Variants in ATF7IP observed in about 807,000 individuals in gnomAD.
The protein encoded by ATF7IP is activating transcription factor 7-interacting protein 1.
Under a neutral mutation model 106.4 loss-of-function variants are expected in ATF7IP, and 23 were observed. The ratio of observed to expected loss-of-function variants is 0.22; its 90% CI spans 0.16 to 0.31. The LOEUF is 0.31. Among genes scored for constraint, ATF7IP ranks in the 10% least tolerant of loss-of-function variants. The pLI is 1.00. For synonymous variants in ATF7IP, 542 were observed against 539.0 expected, an observed-to-expected ratio of 1.01 and a Z score of -0.08; for missense variants, 1,334 against 1,524.3, an observed-to-expected ratio of 0.88 and a Z score of 2.08.
At chr12:14,478,641 T>G (rs1156374154) in intron 12 of ATF7IP, among the ~76,000 whole-genome samples, 169 bp downstream of exon 12, 1 of 152,210 alleles carries the variant, frequency 6.6e-6, no homozygotes, top group East Asian at 1.9e-4. Flanking sequence ...CTGACTGTCT[T>G]AAGCAGCGGC....
chr12:14,488,101 C>T (rs958788795), intron 13 of ATF7IP, among the ~76,000 whole-genome samples: 2 of 152,004 alleles, frequency 1.3e-5, no homozygotes, highest in Admixed American at 6.6e-5. Flanking sequence ...GAAAGAACTC[C>T]ATCCTTAATA....
At chr12:14,365,889 AAG>A (rs1362152010) in intron 1 of ATF7IP, 62 bp downstream of exon 1, 2 of 152,448 alleles carry the variant, frequency 1.3e-5, no homozygotes, top group African/African-American at 4.8e-5. Flanking sequence ...TGTATTTCTG[AAG>A]AGTCAAGACC....
intron 6 of ATF7IP, among the ~76,000 whole-genome samples, chr12:14,450,284 A>G (rs891662777): frequency 2.0e-5 from 3 of 152,208 alleles, no homozygotes; most frequent in African/African-American, 4.8e-5. Flanking sequence ...ACCATTGAGT[A>G]TGATGTTAAC....
chr12:14,413,089 A>G (rs533400245), intron 1 of ATF7IP, among the ~76,000 whole-genome samples: 4 of 152,350 alleles, frequency 2.6e-5, no homozygotes, highest in African/African-American at 7.2e-5. Context: ...TTCTAGTTCA[A>G]TGCTGACTAG....
intron 1 of ATF7IP, among the ~76,000 whole-genome samples, chr12:14,418,974 A>G (rs1237514299): frequency 6.6e-6 from 1 of 152,194 alleles, no homozygotes; most frequent in Non-Finnish European, 1.5e-5. Context: ...TATAAAAAAT[A>G]CCAAAGAGGA....
rs1208214780 is a variant in ATF7IP, at chr12:14,501,365, T to G, written c.*3292T>G. ...CAATGTAGGATGTTTGTATGGCATT[T>G]AAAGGTAATGGTGATGTTTATTATT... On this transcript the variant is annotated 3_prime_UTR_variant, in exon 15 of 15. Transcript: ENST00000261168. 1.3e-5 allele frequency: 2 copies of G among 152,216 alleles called. No individual in the cohort carries two copies. The highest frequency in any genetic ancestry group is 2.9e-5 in the Non-Finnish European group (2 of 68,012). The allele number at this position is 152,216 out of a possible 1,614,324, so 9.4% of individuals were successfully genotyped here.
Position 14,424,607 on chromosome 12 carries a change from C to T in ATF7IP, c.692C>T (p.Ser231Phe), listed in dbSNP as rs755809116. Residue 231 changes from serine to phenylalanine, a missense_variant, in exon 2 of 15, where the codon TCT becomes TTT. By Grantham distance (155) the Ser-to-Phe change is radical (BLOSUM62 -2). Transcript: ENST00000261168. ...GATTGTGCCGCTGATGATATAGCCTCTAGTGAAATAACTTCTGTTGATCTG... is the reference window on the plus strand; with the variant it reads ...GATTGTGCCGCTGATGATATAGCCTTTAGTGAAATAACTTCTGTTGATCTG... ...SGDCAADDIASSEITSVDLAS... is the reference protein window; with the variant it reads ...SGDCAADDIAFSEITSVDLAS... 3 of 1,614,156 alleles carry T rather than the reference C, an allele frequency of 1.9e-6. No individual in the cohort carries two copies. The highest frequency in any genetic ancestry group is 1.1e-5 in the South Asian group (1 of 91,082).
intron 10 of ATF7IP, 62 bp downstream of exon 10, chr12:14,466,652 T>C: frequency 1.6e-6 from 2 of 1,281,860 alleles, no homozygotes; most frequent in Non-Finnish European, 2.2e-6. Context: ...AAAATGAATT[T>C]TCATCATTCT....
chr12:14,468,785 A>G (rs7298595), intron 10 of ATF7IP, among the ~76,000 whole-genome samples: 44,215 of 151,950 alleles, frequency 0.29, 7,918 homozygotes, highest in Admixed American at 0.44. Context: ...ATGGAAGTAT[A>G]TATGTGCTTT....
At chr12:14,480,067 A>T (rs1944385994) in intron 12 of ATF7IP, among the ~76,000 whole-genome samples, 1 of 152,172 alleles carries the variant, frequency 6.6e-6, no homozygotes, top group South Asian at 2.1e-4. Flanking sequence ...GAAGACTCAC[A>T]TCGAAAGTTA....
intron 13 of ATF7IP, among the ~76,000 whole-genome samples, chr12:14,492,426 A>G (rs2136862148): frequency 6.6e-6 from 1 of 152,294 alleles, no homozygotes; most frequent in South Asian, 2.1e-4. Flanking sequence ...ATAAATTGTC[A>G]GGAATGTAGT....
chr12:14,436,348 T>C (rs1942400858), intron 4 of ATF7IP, 97 bp downstream of exon 4: 2 of 1,271,668 alleles, frequency 1.6e-6, no homozygotes, highest in Non-Finnish European at 2.2e-6. Context: ...ATTGACATAA[T>C]GTGGTTTATC....
intron 9 of ATF7IP, among the ~76,000 whole-genome samples, chr12:14,462,063 C>T (rs1943660382): frequency 3.3e-5 from 5 of 152,082 alleles, no homozygotes. Context: ...GACGGTATTT[C>T]ACAGAGTTGT....
chr12:14,426,712 G>C (rs111401699), intron 2 of ATF7IP, among the ~76,000 whole-genome samples: 15,623 of 150,052 alleles, frequency 0.1, 1,008 homozygotes, highest in African/African-American at 0.19. Context: ...TGTAGTCCAG[G>C]GTACTTGAGG....
intron 1 of ATF7IP, among the ~76,000 whole-genome samples, chr12:14,410,598 G>C (rs998995164): frequency 3.9e-5 from 6 of 152,032 alleles, no homozygotes; most frequent in South Asian, 2.1e-4. Context: ...ACTTAATAAA[G>C]GAAAGAAAGA....
At chr12:14,435,971 C>T (rs1171982299) in intron 3 of ATF7IP, 135 bp from the exon 4 acceptor site, 1 of 851,638 alleles carries the variant, frequency 1.2e-6, no homozygotes, top group African/African-American at 1.7e-5. Context: ...CTTCTAAGAT[C>T]TCCAAAACAG....
intron 1 of ATF7IP, among the ~76,000 whole-genome samples, chr12:14,380,731 TG>T (rs1938969443): frequency 1.3e-5 from 2 of 152,346 alleles, no homozygotes; most frequent in Admixed American, 6.5e-5. Context: ...GGGATTCTCC[TG>T]TCTCAGCCTC....
intron 1 of ATF7IP, among the ~76,000 whole-genome samples, chr12:14,405,772 G>C (rs1037336044): frequency 6.6e-6 from 1 of 152,096 alleles, no homozygotes; most frequent in Non-Finnish European, 1.5e-5. Flanking sequence ...AGTTGGAAGA[G>C]AAGAGGAATA....
chr12:14,473,120 G>GAT (rs1944115804), intron 10 of ATF7IP, among the ~76,000 whole-genome samples: 2 of 152,060 alleles, frequency 1.3e-5, no homozygotes, highest in Non-Finnish European at 2.9e-5. Context: ...GTATTGATAG[G>GAT]ATTGTGTTTA....
Sources: gnomAD v4.1 joint callset for allele counts (sites outside exome capture counted in the v4.1 genomes callset) on GRCh38, gnomAD v4.1.1 for gene constraint, MANE v1.5 for transcripts, NCBI Gene and HGNC (gene_info 2026-07-23, HGNC 2026-07-21) for gene names.